TP53I11: variants seen among roughly 807,000 people sequenced by gnomAD.
TP53I11 encodes tumor protein p53-inducible protein 11.
A neutral mutation model predicts 23.3 loss-of-function variants in TP53I11; 9 were observed. The observed-to-expected ratio is 0.39, with a 90% CI of 0.23 to 0.67. The LOEUF is 0.67. TP53I11 is among the 30% of genes least tolerant of loss of function. TP53I11 has a pLI of 0.48. For synonymous variants in TP53I11, 100 were observed against 106.1 expected (o/e 0.94, Z 0.35); for missense variants, 170 against 255.2 (o/e 0.67, Z 2.27).
intron 1 of TP53I11, among the ~76,000 whole-genome samples, chr11:44,946,739 A>G (rs1862426124): frequency 6.6e-6 from 1 of 152,146 alleles, no homozygotes; most frequent in Non-Finnish European, 1.5e-5. Flanking sequence ...TTCTGCCATC[A>G]CTGGTAAGCC....
rs1430548308 is a variant in TP53I11 at position 44,937,165 on chromosome 11, T to A, written c.237+139A>T. 6.3e-6 allele frequency: 7 copies of A among 1,104,344 alleles called. No individual in the cohort carries two copies. The African/African-American group carries it at 7.9e-5, about 12-fold the overall frequency. 68.4% of individuals were successfully genotyped at this position (1,104,344 alleles called of 1,614,324 possible). On this transcript the variant is annotated intron_variant, in intron 4 of 6. Coordinates refer to ENST00000525680, the MANE Select transcript of TP53I11 (RefSeq NM_006034.5). ...CAGGCGTGGCAGTGTAGGAGTCAGG[T>A]TCTCGGAGGCAGCCCCAGAGCCTGA...
chr11:44,948,957 C>T (rs1215901775), intron 1 of TP53I11, among the ~76,000 whole-genome samples: 1 of 152,214 alleles, frequency 6.6e-6, no homozygotes, highest in Non-Finnish European at 1.5e-5. Context: ...GTCATGACAG[C>T]TGGACATGGG....
intron 1 of TP53I11, among the ~76,000 whole-genome samples, chr11:44,948,196 C>G (rs1400342705): frequency 6.6e-6 from 1 of 152,176 alleles, no homozygotes; most frequent in African/African-American, 2.4e-5. Context: ...GGCACCCCGC[C>G]CTGCAGCTGC....
rs150621622 is a variant in TP53I11 at position 44,935,106 on chromosome 11, G to C, written c.437-89C>G. 3.2e-6 allele frequency: 5 copies of C among 1,574,248 alleles called. No homozygotes were observed. In the African/African-American group the frequency reaches 5.4e-5, roughly 17 times the overall value. On this transcript the variant is annotated intron_variant, in intron 6 of 6. Transcript: ENST00000525680. ...CCTAGCCCGGAGCGCTGGTGTGGCC[G>C]TCTCCCTGACTTTGCTCTGAGCCCA...
chr11:44,936,696 G>A lies in TP53I11; in HGVS notation c.334+107C>T, dbSNP rs753852301. 7.3e-6 allele frequency: 10 copies of A among 1,361,348 alleles called. No individual in the cohort carries two copies. Among genetic ancestry groups the A allele is most frequent in the African/African-American group, 3.0e-5 (2 of 65,770 alleles). The allele number at this position is 1,361,348 out of a possible 1,614,324, so 84.3% of individuals were successfully genotyped here. On this transcript the variant is annotated intron_variant, in intron 5 of 6. Coordinates refer to ENST00000525680, the MANE Select transcript of TP53I11 (RefSeq NM_006034.5). The surrounding 1 kb of genome is among the most constrained non-coding windows in gnomAD (Gnocchi z 4.4). ...CGGGGTGTGGGCGCAGCATCTGGCC[G>A]AAGAAAGGAAGGGGTGCCCGGGCAC... is the stretch of plus-strand genomic sequence containing the variant.
Position 44,937,626 on chromosome 11 carries a change from G to T in TP53I11, c.130-13C>A. The T allele has an allele frequency of 6.2e-7, 1 of 1,612,840 alleles. No individual in the cohort carries two copies. Among genetic ancestry groups the T allele is most frequent in the South Asian group, 1.1e-5 (1 of 90,936 alleles). ...AGACCTGGCTGATCTGTGGACAGAG[G>T]GGGTCAGAGGCAACCAGGGTGAGGG... On this transcript the variant is annotated splice_polypyrimidine_tract_variant and intron_variant, in intron 2 of 6. Coordinates refer to ENST00000525680, the MANE Select transcript of TP53I11 (RefSeq NM_006034.5).
At chr11:44,948,584 C>G (rs1862610802) in intron 1 of TP53I11, among the ~76,000 whole-genome samples, 1 of 152,178 alleles carries the variant, frequency 6.6e-6, no homozygotes. Flanking sequence ...AATTGCCTCC[C>G]CCTGCCCCCT....
Position 44,932,878 on chromosome 11 carries a change from G to C in TP53I11, c.*2006C>G, listed in dbSNP as rs180704396. 5.9e-5 allele frequency: 9 copies of C among 152,306 alleles called. No homozygotes were observed. The highest frequency in any genetic ancestry group is 1.3e-4 in the Non-Finnish European group (9 of 68,138). The allele number at this position is 152,306 out of a possible 1,614,324, so 9.4% of individuals were successfully genotyped here. ...ACTGGATGTCTCAGGGCCAGCAGAC[G>C]CCCGACACGCAGCCTCATTCCCCAG... On this transcript the variant is annotated 3_prime_UTR_variant, in exon 7 of 7. Coordinates refer to ENST00000525680, the MANE Select transcript of TP53I11 (RefSeq NM_006034.5).
chr11:44,942,226 C>CACACACACCCACCACAT (rs1861904069), intron 1 of TP53I11, among the ~76,000 whole-genome samples: 2 of 146,554 alleles, frequency 1.4e-5, no homozygotes, highest in Non-Finnish European at 1.5e-5. Flanking sequence ...ACCCACCACA[C>CACACACACCCACCACAT]ACCTACCACA....
At position 44,932,397 on chromosome 11, in the gene TP53I11, G is replaced by A. The variant is rs1198070823; in HGVS notation, c.*2487C>T. The A allele has an allele frequency of 2.6e-5, 4 of 152,244 alleles. No homozygotes were observed. Among genetic ancestry groups the A allele is most frequent in the Admixed American group, 6.5e-5 (1 of 15,280 alleles). 9.4% of individuals were successfully genotyped at this position (152,244 alleles called of 1,614,324 possible). On this transcript the variant is annotated 3_prime_UTR_variant, in exon 7 of 7. Coordinates refer to ENST00000525680, the MANE Select transcript of TP53I11 (RefSeq NM_006034.5). ...GAATGTTTCTTACAAAAAGAAAAAG[G>A]AACAAAGAATAAATAGTGACCGTGA...
intron 1 of TP53I11, chr11:44,943,057 G>T (rs1023361073): frequency 5.3e-5 from 8 of 152,204 alleles, no homozygotes; most frequent in African/African-American, 1.9e-4. Context: ...TCTTGGCTCT[G>T]CCCTCTTGCC....
In TP53I11 at chr11:44,934,979, G is replaced by A. The variant is rs769253323; in HGVS notation, c.475C>T (p.Leu159=). ...ATLAETGLMS[L]GILLLLVSRL... ...CTGACCAGGAGCAGCAGGATCCCCA[G>A]GGACATGAGGCCCGTCTCAGCTAGC... The change falls in exon 7 of 7, where the codon CTG becomes TTG. Residue 159 remains leucine (L), a synonymous_variant. Transcript: ENST00000525680. 1.2e-5 allele frequency: 19 copies of A among 1,613,932 alleles called. No individual in the cohort carries two copies. Among genetic ancestry groups the A allele is most frequent in the Non-Finnish European group, 3.4e-6 (4 of 1,179,996 alleles).
intron 5 of TP53I11, 25 bp from the exon 6 acceptor site, chr11:44,935,687 C>CTGGGGGGGGGTATTAATTGGGGGG: frequency 1.8e-6 from 1 of 569,796 alleles, no homozygotes; most frequent in Non-Finnish European, 3.3e-6. Context: ...GAAAAGGGGG[C>CTGGGGGGGGGTATTAATTGGGGGG]TGGGGGTGGG....
chr11:44,937,510 C>T (rs2279361), intron 3 of TP53I11, 45 bp downstream of exon 3: 99 of 1,605,922 alleles, frequency 6.2e-5, no homozygotes, highest in Non-Finnish European at 7.7e-5. Context: ...TCTGCCCCAC[C>T]GCCGCAGGCC....
chr11:44,939,746 A>C (rs1294258510), intron 1 of TP53I11, among the ~76,000 whole-genome samples: 1 of 152,238 alleles, frequency 6.6e-6, no homozygotes, highest in East Asian at 1.9e-4. Context: ...AAAAACTGCA[A>C]AAGTTGCTAT....
intron 1 of TP53I11, chr11:44,940,508 T>C (rs1219110614): frequency 1.3e-5 from 2 of 152,244 alleles, no homozygotes; most frequent in African/African-American, 2.4e-5. Context: ...TGATAAAGCG[T>C]AGAACCTTTT....
intron 1 of TP53I11, among the ~76,000 whole-genome samples, chr11:44,942,453 CACACACACAT>C (rs1371149929): frequency 6.7e-5 from 8 of 119,896 alleles, no homozygotes; most frequent in African/African-American, 1.2e-4. Flanking sequence ...CACACACACA[CACACACACAT>C]ACACACACAG....
At position 44,932,509 on chromosome 11, in the gene TP53I11, G is replaced by A. The variant is rs1026383082; in HGVS notation, c.*2375C>T. 4 of 152,328 alleles carry A rather than the reference G, an allele frequency of 2.6e-5. No homozygotes were observed. The highest frequency in any genetic ancestry group is 9.6e-5 in the African/African-American group (4 of 41,460). 9.4% of individuals were successfully genotyped at this position (152,328 alleles called of 1,614,324 possible). Reference sequence around the variant, plus strand: ...GGCTGCTGATGGCTGGAGGGAGCTGGGAGAAGAGGCGTTCCAGGTCACCCC... The same window carrying A: ...GGCTGCTGATGGCTGGAGGGAGCTGAGAGAAGAGGCGTTCCAGGTCACCCC... On this transcript the variant is annotated 3_prime_UTR_variant, in exon 7 of 7. Coordinates refer to ENST00000525680, the MANE Select transcript of TP53I11 (RefSeq NM_006034.5).
intron 4 of TP53I11, 192 bp downstream of exon 4, chr11:44,937,112 G>T: frequency 1.3e-6 from 1 of 793,390 alleles, no homozygotes; most frequent in Non-Finnish European, 2.0e-6. Context: ...CACAAACCAT[G>T]GGATCTAGTG....
Sources: gnomAD v4.1 joint callset for allele counts (sites outside exome capture counted in the v4.1 genomes callset) on GRCh38, gnomAD v4.1.1 for gene constraint, Gnocchi (gnomAD v3.1) non-coding constraint, MANE v1.5 for transcripts, NCBI Gene and HGNC (gene_info 2026-07-23, HGNC 2026-07-21) for gene names.